ARSJ: variants seen among roughly 807,000 people sequenced by gnomAD.
ARSJ encodes the protein arylsulfatase family member J.
ARSJ carries 26 observed loss-of-function variants against 35.9 expected under a neutral mutation model. The observed-to-expected ratio is 0.72, with a 90% CI of 0.53 to 1.00. ARSJ has a LOEUF of 1.00. ARSJ is among the 50% of genes least tolerant of loss of function. ARSJ has a pLI of 0.00. For synonymous variants in ARSJ, 294 were observed against 267.6 expected (o/e 1.10, Z -0.96); for missense variants, 667 against 723.6 (o/e 0.92, Z 0.90).
Position 113,901,401 on chromosome 4 carries a change from A to C in ARSJ, c.*873T>G, listed in dbSNP as rs944425467. Reference sequence around the variant, plus strand: ...TCTGAATTCACACAGTATTACATTAATTTATAGTATTACAGTGCTTGGTAA... The same window carrying C: ...TCTGAATTCACACAGTATTACATTACTTTATAGTATTACAGTGCTTGGTAA... On this transcript the variant is annotated 3_prime_UTR_variant, in exon 2 of 2. Transcript: ENST00000315366. 1 of 152,234 alleles carries C rather than the reference A, an allele frequency of 6.6e-6. No homozygotes were observed. The highest frequency in any genetic ancestry group is 2.4e-5 in the African/African-American group (1 of 41,464). 9.4% of individuals were successfully genotyped at this position (152,234 alleles called of 1,614,324 possible).
chr4:113,911,034 G>A (rs1403133013), intron 1 of ARSJ, among the ~76,000 whole-genome samples: 4 of 152,148 alleles, frequency 2.6e-5, no homozygotes, highest in Non-Finnish European at 5.9e-5. Context: ...CAGCTGAAAC[G>A]ACTTGGACAA....
chr4:113,973,100 T>C (rs1355759502), intron 1 of ARSJ, among the ~76,000 whole-genome samples: 1 of 152,214 alleles, frequency 6.6e-6, no homozygotes, highest in Admixed American at 6.5e-5. Context: ...TCTCTTTTTA[T>C]TCTCAGTGAT....
chr4:113,978,749 GC>G lies in ARSJ; in HGVS notation c.85del (p.Ala29ArgfsTer22). The G allele has an allele frequency of 6.2e-7, 1 of 1,614,210 alleles. No individual in the cohort carries two copies. The highest frequency in any genetic ancestry group is 1.1e-5 in the South Asian group (1 of 91,090). ...VCPGKMLAMG[A>X]LAGFWILCLL... is the part of the protein sequence containing the mutation. ...GCAGAGGATCCAGAATCCTGCCAGC[GC>G]CCCCATTGCTAGCATCTTTCCAGGA... On this transcript the variant is annotated frameshift_variant, in exon 1 of 2. Transcript: ENST00000315366. LOFTEE classifies it high-confidence loss of function.
chr4:113,938,137 A>G (rs1724887641), intron 1 of ARSJ, among the ~76,000 whole-genome samples: 1 of 152,140 alleles, frequency 6.6e-6, no homozygotes, highest in Admixed American at 6.6e-5. Context: ...ACTTCAAACT[A>G]TACTATGAGG....
At chr4:113,938,363 C>A (rs1348664926) in intron 1 of ARSJ, among the ~76,000 whole-genome samples, 2 of 152,086 alleles carry the variant, frequency 1.3e-5, no homozygotes, top group Non-Finnish European at 2.9e-5. Flanking sequence ...TGGACCCCTT[C>A]CTTACACTTT....
At chr4:113,922,087 G>GTA (rs1723718463) in intron 1 of ARSJ, among the ~76,000 whole-genome samples, 2 of 152,150 alleles carry the variant, frequency 1.3e-5, no homozygotes, top group South Asian at 4.1e-4. Flanking sequence ...GGAAGGTGAA[G>GTA]TAATGTCTAC....
intron 1 of ARSJ, among the ~76,000 whole-genome samples, chr4:113,940,968 AG>A (rs1011064000): frequency 1.6e-4 from 25 of 151,966 alleles, no homozygotes; most frequent in Non-Finnish European, 4.4e-5. Flanking sequence ...TCCTCTCTGA[AG>A]TAAACCTCCA....
rs146276824 is a variant in ARSJ, at chr4:113,926,692, G to T, written c.399-23017C>A. Among the ~76,000 whole-genome samples the T allele has an allele frequency of 2.5e-3, 373 of 152,234 alleles. 5 individuals are homozygous for T. Among genetic ancestry groups the T allele is most frequent in the Non-Finnish European group, 2.9e-4 (20 of 67,998 alleles). ...CACTTACATTTGATGATGGAATGCT[G>T]CTGTGCACAACCCACTTTATGGGTA... On this transcript the variant is annotated intron_variant, in intron 1 of 1. Coordinates refer to ENST00000315366, the MANE Select transcript of ARSJ (RefSeq NM_024590.4).
At chr4:113,946,883 A>G (rs1448150163) in intron 1 of ARSJ, among the ~76,000 whole-genome samples, 1 of 152,080 alleles carries the variant, frequency 6.6e-6, no homozygotes, top group African/African-American at 2.4e-5. Flanking sequence ...AAATTTGTTT[A>G]CTTTATCAAT....
At chr4:113,933,323 A>T (rs1158498353) in intron 1 of ARSJ, among the ~76,000 whole-genome samples, 1 of 151,960 alleles carries the variant, frequency 6.6e-6, no homozygotes, top group African/African-American at 2.4e-5. Flanking sequence ...AAAATTGAAG[A>T]AAAGGGAATA....
chr4:113,902,795 T>A lies in ARSJ; in HGVS notation c.1279A>T (p.Thr427Ser), dbSNP rs767985860. The change falls in exon 2 of 2, where the codon ACC becomes TCC. Residue 427 changes from threonine to serine, a missense_variant. Transcript: ENST00000315366. ...GCCCAGGAGCCATTTTTTGCCTTGGTGTATATGGGGTCAATGTTATGCAAA... is the reference window on the plus strand; with the variant it reads ...GCCCAGGAGCCATTTTTTGCCTTGGAGTATATGGGGTCAATGTTATGCAAA... ...DILHNIDPIY[T>S]KAKNGSWAAG... 1.2e-6 allele frequency: 2 copies of A among 1,614,102 alleles called. No individual in the cohort carries two copies. Among genetic ancestry groups the A allele is most frequent in the Admixed American group, 3.3e-5 (2 of 60,010 alleles).
At chr4:113,944,192 A>T (rs1725332308) in intron 1 of ARSJ, 1 of 152,006 alleles carries the variant, frequency 6.6e-6, no homozygotes, top group Non-Finnish European at 1.5e-5. Flanking sequence ...CAGATAAGGG[A>T]TGCATGTGTA....
chr4:113,903,767 G>T, intron 1 of ARSJ, 92 bp from the exon 2 acceptor site: 1 of 1,437,838 alleles, frequency 7.0e-7, no homozygotes, highest in South Asian at 1.5e-5. Flanking sequence ...ATGTTTCTAT[G>T]GGCATCATTG....
intron 1 of ARSJ, among the ~76,000 whole-genome samples, chr4:113,961,512 A>G (rs1726536421): frequency 6.6e-6 from 1 of 152,098 alleles, no homozygotes; most frequent in African/African-American, 2.4e-5. Context: ...ATGTCTGCAC[A>G]GCTGTTAACT....
intron 1 of ARSJ, among the ~76,000 whole-genome samples, chr4:113,958,626 G>A (rs1242039525): frequency 6.6e-6 from 1 of 151,898 alleles, no homozygotes; most frequent in East Asian, 1.9e-4. Context: ...GACTTTAGCC[G>A]ATACATATAT....
At chr4:113,942,867 A>C (rs1725242699) in intron 1 of ARSJ, among the ~76,000 whole-genome samples, 1 of 152,094 alleles carries the variant, frequency 6.6e-6, no homozygotes, top group Non-Finnish European at 1.5e-5. Flanking sequence ...TGCAGCTAAT[A>C]GACATATGTG....
At chr4:113,960,424 C>A (rs1726473306) in intron 1 of ARSJ, among the ~76,000 whole-genome samples, 1 of 152,036 alleles carries the variant, frequency 6.6e-6, no homozygotes, top group African/African-American at 2.4e-5. Flanking sequence ...TGTGTACCTC[C>A]AGTATCCTGG....
intron 1 of ARSJ, among the ~76,000 whole-genome samples, chr4:113,940,155 A>T (rs1193784495): frequency 1.3e-5 from 2 of 152,112 alleles, no homozygotes; most frequent in African/African-American, 4.8e-5. Flanking sequence ...ACCCAAAGGA[A>T]TATAAATCAT....
intron 1 of ARSJ, among the ~76,000 whole-genome samples, chr4:113,935,393 G>T (rs1724702418): frequency 6.6e-6 from 1 of 151,786 alleles, no homozygotes; most frequent in Admixed American, 6.6e-5. Context: ...AGTTTTTGTT[G>T]CCATGAGGAA....
Sources: allele counts gnomAD v4.1 joint callset (sites outside exome capture counted in the v4.1 genomes callset), GRCh38; gene constraint gnomAD v4.1.1; transcripts MANE v1.5; gene names NCBI Gene and HGNC (gene_info 2026-07-23, HGNC 2026-07-21).